The following ATP8B4 variants were observed in gnomAD, a reference collection of about 807,000 sequenced individuals.
ATP8B4 encodes the protein probable phospholipid-transporting ATPase IM.
Under a neutral mutation model 145.6 loss-of-function variants are expected in ATP8B4, and 133 were observed. The ratio of observed to expected loss-of-function variants is 0.91; its 90% CI spans 0.79 to 1.05. The LOEUF (loss-of-function observed/expected upper bound fraction) is 1.05. Among genes scored for constraint, ATP8B4 ranks in the 50% least tolerant of loss-of-function variants. ATP8B4 has a pLI of 0.00. For synonymous variants in ATP8B4, 507 were observed against 492.9 expected (o/e 1.03, Z -0.38); for missense variants, 1,458 against 1,425.2 (o/e 1.02, Z -0.37).
At chr15:49,995,831 G>A (rs775346893) in intron 9 of ATP8B4, among the ~76,000 whole-genome samples, 17 of 152,130 alleles carry the variant, frequency 1.1e-4, no homozygotes, top group Non-Finnish European at 2.4e-4. Flanking sequence ...GGGTAAAGCA[G>A]GAGACCACTG....
intron 3 of ATP8B4, among the ~76,000 whole-genome samples, chr15:50,065,522 A>G (rs969565734): frequency 1.3e-5 from 2 of 152,128 alleles, no homozygotes; most frequent in East Asian, 3.9e-4. Context: ...AACTTGCCCA[A>G]TTTCATCCAC....
intron 20 of ATP8B4, among the ~76,000 whole-genome samples, chr15:49,916,249 TAAG>T (rs529257518): frequency 1.3e-3 from 196 of 152,286 alleles, no homozygotes; most frequent in Admixed American, 5.8e-3. Flanking sequence ...TGGTACATCT[TAAG>T]AAATATTATC....
chr15:49,949,110 C>T (rs142412231), intron 14 of ATP8B4, among the ~76,000 whole-genome samples: 69 of 152,266 alleles, frequency 4.5e-4, no homozygotes, highest in African/African-American at 1.6e-3. Flanking sequence ...ATGATGCCTC[C>T]AGCCTTGTTA....
At chr15:49,946,324 T>C (rs2042562275) in intron 14 of ATP8B4, among the ~76,000 whole-genome samples, 1 of 152,242 alleles carries the variant, frequency 6.6e-6, no homozygotes, top group South Asian at 2.1e-4. Context: ...AGTAAATTCT[T>C]ATGATTATAT....
chr15:50,022,172 CA>C (rs1386580511), intron 6 of ATP8B4, among the ~76,000 whole-genome samples: 1 of 151,836 alleles, frequency 6.6e-6, no homozygotes, highest in Non-Finnish European at 1.5e-5. Flanking sequence ...AATGCAACAA[CA>C]AGGGATAATA....
chr15:49,867,613 G>A (rs1009967901), intron 25 of ATP8B4, among the ~76,000 whole-genome samples: 5 of 152,122 alleles, frequency 3.3e-5, no homozygotes, highest in East Asian at 1.9e-4. Context: ...AAGAGTCAAC[G>A]ATAGCCTGAT....
intron 14 of ATP8B4, among the ~76,000 whole-genome samples, chr15:49,950,005 G>A (rs2042924182): frequency 6.6e-6 from 1 of 152,204 alleles, no homozygotes; most frequent in Non-Finnish European, 1.5e-5. Context: ...TCCCAGGGAT[G>A]AAGCTGACTT....
At chr15:49,894,805 T>A (rs960427855) in intron 23 of ATP8B4, 2 of 152,312 alleles carry the variant, frequency 1.3e-5, no homozygotes, top group Non-Finnish European at 2.9e-5. Flanking sequence ...CACGTCGGAA[T>A]GGCTCTCTTT....
At chr15:49,946,448 T>C (rs28809909) in intron 14 of ATP8B4, among the ~76,000 whole-genome samples, 20,956 of 152,208 alleles carry the variant, frequency 0.14, 2,192 homozygotes, top group African/African-American at 0.29. Flanking sequence ...ACTAAGCCAG[T>C]AGCCACAGAT....
intron 23 of ATP8B4, among the ~76,000 whole-genome samples, chr15:49,882,705 CA>C (rs376558358): frequency 1.6e-3 from 244 of 152,216 alleles, no homozygotes; most frequent in African/African-American, 5.7e-3. Context: ...AACTCCTAAT[CA>C]TATGGTAAAG....
rs187235217 is a variant in ATP8B4 at position 50,180,916 on chromosome 15, A to G, written c.-43+1345T>C. Among the ~76,000 whole-genome samples, 576 of 152,318 alleles carry G rather than the reference A, an allele frequency of 3.8e-3. 2 individuals carry two copies. Among genetic ancestry groups the G allele is most frequent in the Non-Finnish European group, 6.6e-3 (446 of 68,026 alleles). On this transcript the variant is annotated intron_variant, in intron 1 of 3. Coordinates refer to the ATP8B4 transcript ENST00000558829. ...AAACATTTTTGTGTGTTTTACACAC[A>G]CCGAAAAAAAAAGAGGACATGGACA...
intron 8 of ATP8B4, among the ~76,000 whole-genome samples, chr15:49,998,467 G>C (rs964865417): frequency 8.5e-5 from 13 of 152,178 alleles, no homozygotes; most frequent in Admixed American, 3.3e-4. Context: ...TTGTAGTTTA[G>C]ATTTGCATTT....
chr15:50,081,834 G>A (rs1435957553), intron 2 of ATP8B4, among the ~76,000 whole-genome samples: 1 of 152,218 alleles, frequency 6.6e-6, no homozygotes, highest in African/African-American at 2.4e-5. Context: ...TTCACCAAAT[G>A]TGGTTTAGAA....
At chr15:49,947,355 T>C (rs2042658114) in intron 14 of ATP8B4, among the ~76,000 whole-genome samples, 1 of 144,060 alleles carries the variant, frequency 6.9e-6, no homozygotes, top group Non-Finnish European at 1.5e-5. Context: ...CACTTGAACC[T>C]GGGAGGCAGA....
chr15:50,172,378 G>A lies in ATP8B4; in HGVS notation c.-43+9883C>T, dbSNP rs574042719. On this transcript the variant is annotated intron_variant, in intron 1 of 3. Coordinates refer to the ATP8B4 transcript ENST00000558829. ...GGGCTGGTCTCCAGCTCCTGACCGC[G>A]AGTGATCTGCCAGCCTCGGCCTCCG... Among the ~76,000 whole-genome samples the A allele has an allele frequency of 3.3e-5, 5 of 152,382 alleles. No individual in the cohort carries two copies. The East Asian group carries it at 7.7e-4, about 24-fold the overall frequency.
chr15:50,049,765 C>T (rs148879595), intron 3 of ATP8B4, among the ~76,000 whole-genome samples: 14 of 152,336 alleles, frequency 9.2e-5, no homozygotes, highest in Admixed American at 3.3e-4. Flanking sequence ...TACACTCCTA[C>T]CAACAGTGTA....
chr15:50,115,891 G>C (rs1346050582), intron 1 of ATP8B4, among the ~76,000 whole-genome samples: 3 of 152,202 alleles, frequency 2.0e-5, no homozygotes, highest in Admixed American at 2.0e-4. Flanking sequence ...GCTCCTGCAG[G>C]TTGCGGGGAG....
chr15:49,872,321 C>T (rs2033786627), intron 25 of ATP8B4, among the ~76,000 whole-genome samples: 2 of 152,150 alleles, frequency 1.3e-5, no homozygotes, highest in South Asian at 4.1e-4. Context: ...AAAATTACAC[C>T]TGCTACAGTT....
chr15:49,979,248 G>A (rs1327846674), intron 12 of ATP8B4, among the ~76,000 whole-genome samples: 1 of 152,058 alleles, frequency 6.6e-6, no homozygotes, highest in African/African-American at 2.4e-5. Flanking sequence ...TATCTATAGA[G>A]CCAGTCTAGT....
Sources: gnomAD v4.1 joint callset for allele counts (sites outside exome capture counted in the v4.1 genomes callset) on GRCh38, gnomAD v4.1.1 for gene constraint, MANE v1.5 for transcripts, NCBI Gene and HGNC (gene_info 2026-07-23, HGNC 2026-07-21) for gene names.